GAN: variants seen among roughly 807,000 people sequenced by gnomAD.
GAN encodes epididymis secretory sperm binding protein.
In GAN, 48 loss-of-function variants were observed where a neutral mutation model predicts 71.3. That is an observed-to-expected ratio of 0.67 (90% CI 0.53 to 0.86). The LOEUF is 0.86. Ranked by LOEUF, GAN falls within the 40% of genes least tolerant of loss-of-function variation. The pLI is 0.00. For synonymous variants in GAN, 386 were observed against 276.8 expected (o/e 1.39, Z -3.92); for missense variants, 928 against 770.1 (o/e 1.21, Z -2.43).
chr16:81,365,919 T>C (rs1308411247), intron 9 of GAN, among the ~76,000 whole-genome samples: 1 of 152,130 alleles, frequency 6.6e-6, no homozygotes, highest in Non-Finnish European at 1.5e-5. Flanking sequence ...ACTTAGCATA[T>C]ATAGCCTTTT....
At chr16:81,342,532 C>T (rs1019842149) in intron 1 of GAN, among the ~76,000 whole-genome samples, 1 of 152,170 alleles carries the variant, frequency 6.6e-6, no homozygotes, top group Non-Finnish European at 1.5e-5. Context: ...TGAATGATTA[C>T]TGGGTAAATA....
chr16:81,331,503 CT>C (rs1171249802), intron 1 of GAN, among the ~76,000 whole-genome samples: 1 of 152,142 alleles, frequency 6.6e-6, no homozygotes, highest in Non-Finnish European at 1.5e-5. Flanking sequence ...TTTTTAAAAA[CT>C]TTTTTAAAAA....
At chr16:81,323,658 A>G (rs1315211900) in intron 1 of GAN, among the ~76,000 whole-genome samples, 1 of 152,222 alleles carries the variant, frequency 6.6e-6, no homozygotes, top group Non-Finnish European at 1.5e-5. Flanking sequence ...TAGGGAGTTG[A>G]TTACAGGTTT....
rs1165675294 is a variant in GAN, at chr16:81,379,039, AG to A, written c.*1445del. 5 of 150,388 alleles carry A rather than the reference AG, an allele frequency of 3.3e-5. No individual in the cohort carries two copies. The highest frequency in any genetic ancestry group is 7.4e-5 in the Non-Finnish European group (5 of 67,902). 9.3% of individuals were successfully genotyped at this position (150,388 alleles called of 1,614,324 possible). A position where few individuals can be genotyped will look rare whatever the true frequency, so the allele number is the denominator to read the frequency against. The stretch of plus-strand genomic sequence containing the variant: ...CATTTTTAATTGTTTTCTAAAAAAA[AG>A]GTTTTTTTTTTCCTTTTGGAATATG... On this transcript the variant is annotated 3_prime_UTR_variant, in exon 11 of 11. Coordinates refer to ENST00000648994, the MANE Select transcript of GAN (RefSeq NM_022041.4).
rs1904400135 is a variant in GAN at position 81,386,319 on chromosome 16, T to A, written c.*8723T>A. ...AAAGAAACGAGATAATTCCTAGATCTCTGTTTTAGACCAGTAGACCTAACT... is the reference window on the plus strand; with the variant it reads ...AAAGAAACGAGATAATTCCTAGATCACTGTTTTAGACCAGTAGACCTAACT... On this transcript the variant is annotated 3_prime_UTR_variant, in exon 11 of 11. Coordinates refer to ENST00000648994, the MANE Select transcript of GAN (RefSeq NM_022041.4). The A allele has an allele frequency of 6.6e-6, 1 of 152,204 alleles. No individual in the cohort carries two copies. The highest frequency in any genetic ancestry group is 2.4e-5 in the African/African-American group (1 of 41,440). The allele number at this position is 152,204 out of a possible 1,614,324, so 9.4% of individuals were successfully genotyped here. A position where few individuals can be genotyped will look rare whatever the true frequency, so the allele number is the denominator to read the frequency against.
intron 5 of GAN, among the ~76,000 whole-genome samples, chr16:81,360,845 A>G (rs552873630): frequency 5.3e-5 from 8 of 152,304 alleles, no homozygotes; most frequent in Admixed American, 2.0e-4. Flanking sequence ...ACTACTTCCT[A>G]TGATCTGCTT....
At chr16:81,375,086 T>A (rs1305782667) in intron 9 of GAN, among the ~76,000 whole-genome samples, 1 of 152,180 alleles carries the variant, frequency 6.6e-6, no homozygotes, top group African/African-American at 2.4e-5. Context: ...AAACTGTGAC[T>A]GTAAAAGAAG....
chr16:81,332,739 G>A (rs1014708355), intron 1 of GAN, among the ~76,000 whole-genome samples: 23 of 152,304 alleles, frequency 1.5e-4, no homozygotes, highest in South Asian at 2.1e-4. Context: ...CTTCTGGTGA[G>A]TACTAGTCAG....
chr16:81,324,152 C>A (rs1909304619), intron 1 of GAN, among the ~76,000 whole-genome samples: 1 of 152,088 alleles, frequency 6.6e-6, no homozygotes, highest in African/African-American at 2.4e-5. Flanking sequence ...AGTGTTACCC[C>A]AATTAATCAC....
intron 1 of GAN, among the ~76,000 whole-genome samples, chr16:81,350,810 C>T (rs1910275477): frequency 6.6e-6 from 1 of 152,194 alleles, no homozygotes; most frequent in Non-Finnish European, 1.5e-5. Context: ...TGAGCCACTG[C>T]ACCCAGCCGA....
In GAN at chr16:81,374,674, A is replaced by G. The variant is rs552181757; in HGVS notation, c.1503-2545A>G. Among the ~76,000 whole-genome samples, 10 of 152,322 alleles carry G rather than the reference A, an allele frequency of 6.6e-5. 1 individual carries two copies. The East Asian group carries it at 1.9e-3, about 29-fold the overall frequency. Reference sequence around the variant, plus strand: ...AGCCTCGGCTGTCAGTAGCTGCTTCACTGTGGCTTCCGTGTCCTTTGACAC... The same window carrying G: ...AGCCTCGGCTGTCAGTAGCTGCTTCGCTGTGGCTTCCGTGTCCTTTGACAC... On this transcript the variant is annotated intron_variant, in intron 9 of 10. Coordinates refer to ENST00000648994, the MANE Select transcript of GAN (RefSeq NM_022041.4).
At position 81,386,937 on chromosome 16, in the gene GAN, C is replaced by T. The variant is rs989380095; in HGVS notation, c.*9341C>T. ...CTCCAGCCGGGCAACAAGGGCTAAA[C>T]TCCATCTCAAAAGAAAAGAAAGAAA... On this transcript the variant is annotated 3_prime_UTR_variant, in exon 11 of 11. Transcript: ENST00000648994. The T allele has an allele frequency of 6.6e-6, 1 of 152,256 alleles. No individual in the cohort carries two copies. The highest frequency in any genetic ancestry group is 2.4e-5 in the African/African-American group (1 of 41,436). 9.4% of individuals were successfully genotyped at this position (152,256 alleles called of 1,614,324 possible).
rs183047309 is a variant in GAN, at chr16:81,346,168, G to A, written c.168-5415G>A. 7.9e-5 allele frequency among the ~76,000 whole-genome samples: 12 copies of A among 152,292 alleles called. 1 individual carries two copies. The highest frequency in any genetic ancestry group is 2.9e-4 in the African/African-American group (12 of 41,566). On this transcript the variant is annotated intron_variant, in intron 1 of 10. Transcript: ENST00000648994. ...AGAGAGAAACCACAGAACAGTTTGA[G>A]CAAAGAAAATTTAATATAAAGAATT...
chr16:81,337,365 C>A (rs1165471543), intron 1 of GAN, among the ~76,000 whole-genome samples: 1 of 152,212 alleles, frequency 6.6e-6, no homozygotes, highest in Non-Finnish European at 1.5e-5. Flanking sequence ...ACATTACATT[C>A]TCTTGCATTC....
At chr16:81,363,386 GAGTGGGCTGTT>G (rs1910742784) in intron 6 of GAN, among the ~76,000 whole-genome samples, 1 of 152,230 alleles carries the variant, frequency 6.6e-6, no homozygotes, top group African/African-American at 2.4e-5. Flanking sequence ...TGTGCTGGAA[GAGTGGGCTGTT>G]AGGGAAGCCA....
intron 9 of GAN, among the ~76,000 whole-genome samples, chr16:81,374,159 G>GCATATTGCAATT (rs1238987295): frequency 1.3e-5 from 2 of 152,160 alleles, no homozygotes; most frequent in Non-Finnish European, 2.9e-5. Flanking sequence ...CAATTAGACT[G>GCATATTGCAATT]AGGTTATGCA....
intron 1 of GAN, among the ~76,000 whole-genome samples, chr16:81,326,220 G>A (rs2216768): frequency 0.3 from 46,369 of 152,058 alleles, 8,043 homozygotes; most frequent in East Asian, 0.71. Context: ...ACTTTCATAC[G>A]TAAGATAATT....
chr16:81,327,061 T>C (rs1909415149), intron 1 of GAN, among the ~76,000 whole-genome samples: 2 of 152,022 alleles, frequency 1.3e-5, no homozygotes, highest in African/African-American at 4.8e-5. Context: ...GAGTTTAGAG[T>C]CTTACTTTTG....
At chr16:81,325,706 A>T (rs1418358770) in intron 1 of GAN, among the ~76,000 whole-genome samples, 2 of 152,212 alleles carry the variant, frequency 1.3e-5, no homozygotes, top group East Asian at 3.9e-4. Context: ...AATCAACTGG[A>T]TGCTAATTGA....
Sources: gnomAD v4.1 joint callset for allele counts (sites outside exome capture counted in the v4.1 genomes callset) on GRCh38, gnomAD v4.1.1 for gene constraint, MANE v1.5 for transcripts, NCBI Gene and HGNC (gene_info 2026-07-23, HGNC 2026-07-21) for gene names.